PHEX: variants seen among roughly 807,000 people sequenced by gnomAD.
The protein encoded by PHEX is phosphate regulating endopeptidase X-linked.
A neutral mutation model predicts 68.0 loss-of-function variants in PHEX; 16 were observed. The ratio of observed to expected loss-of-function variants is 0.24; its 90% CI spans 0.16 to 0.36. The LOEUF is 0.36. PHEX is among the 10% of genes least tolerant of loss of function. The probability of loss-of-function intolerance (pLI) is 1.00; values close to 1 mark genes in which losing one functional copy is unlikely to be tolerated. For missense variants in PHEX, 480 were observed against 575.5 expected (o/e 0.83, Z 1.70); for synonymous variants, 208 against 205.1 (o/e 1.01, Z -0.12).
At chrX:22,037,136 C>T (rs984608089) in intron 1 of PHEX, among the ~76,000 whole-genome samples, 4 of 108,352 alleles carry the variant, frequency 3.7e-5, no homozygotes, top group Non-Finnish European at 5.7e-5. Context: ...GATGTTTCAT[C>T]GGCAGTTTTC....
chrX:22,235,428 T>C (rs1480891248), intron 20 of PHEX, among the ~76,000 whole-genome samples: 2 of 112,164 alleles, frequency 1.8e-5, no homozygotes, highest in Non-Finnish European at 3.8e-5. Context: ...AACAGAAATT[T>C]ATCACAGTTC....
chrX:22,228,219 CA>C, intron 20 of PHEX, among the ~76,000 whole-genome samples: 1 of 112,207 alleles, frequency 8.9e-6, no homozygotes, highest in Middle Eastern at 4.6e-3. Context: ...AGGCAAGTGC[CA>C]AATCTTTATT....
chrX:22,152,520 A>C (rs888713086), intron 12 of PHEX, among the ~76,000 whole-genome samples: 1 of 111,308 alleles, frequency 9.0e-6, no homozygotes, highest in African/African-American at 3.3e-5. Flanking sequence ...CCTATGACCA[A>C]CTATGAACTC....
At chrX:22,234,873 C>CA (rs980221258) in intron 20 of PHEX, among the ~76,000 whole-genome samples, 4 of 107,911 alleles carry the variant, frequency 3.7e-5, no homozygotes, top group South Asian at 4.0e-4. Context: ...AATGAAACAA[C>CA]AAAAAACTCT....
intron 5 of PHEX, among the ~76,000 whole-genome samples, chrX:22,090,213 A>C (rs2147035272): frequency 8.9e-6 from 1 of 112,479 alleles, no homozygotes; most frequent in South Asian, 3.7e-4. Flanking sequence ...TAGAAAACAT[A>C]AATTAGAAAA....
At chrX:22,246,049 A>G (rs1042669400) in intron 21 of PHEX, among the ~76,000 whole-genome samples, 1 of 112,222 alleles carries the variant, frequency 8.9e-6, no homozygotes, top group Admixed American at 9.5e-5. Context: ...ATCTAGAGTT[A>G]GAGAGTCTAC....
intron 12 of PHEX, among the ~76,000 whole-genome samples, chrX:22,136,645 C>T (rs1196999376): frequency 8.9e-6 from 1 of 111,970 alleles, no homozygotes; most frequent in African/African-American, 3.2e-5. Context: ...TCCATAGTGA[C>T]CGACCTCCTG....
At chrX:22,092,985 C>T (rs997135095) in intron 6 of PHEX, among the ~76,000 whole-genome samples, 1 of 109,174 alleles carries the variant, frequency 9.2e-6, no homozygotes, top group East Asian at 2.9e-4. Flanking sequence ...CTCCTGACCT[C>T]GTGATCCACC....
intron 3 of PHEX, among the ~76,000 whole-genome samples, chrX:22,069,050 C>T (rs1174909640): frequency 8.9e-6 from 1 of 112,108 alleles, no homozygotes; most frequent in Non-Finnish European, 1.9e-5. Flanking sequence ...CAAAGAATCG[C>T]TTGAACCCGG....
intron 9 of PHEX, among the ~76,000 whole-genome samples, chrX:22,111,153 C>A (rs1971572536): frequency 8.9e-6 from 1 of 112,311 alleles, no homozygotes; most frequent in Non-Finnish European, 1.9e-5. Context: ...AAGGTACTCA[C>A]AATTTCCAGA....
chrX:22,213,942 GT>G (rs371711483), intron 16 of PHEX, among the ~76,000 whole-genome samples: 300 of 112,454 alleles, frequency 2.7e-3, no homozygotes, highest in African/African-American at 8.9e-3. Flanking sequence ...GGAAACACCA[GT>G]AGGGGAGTGG....
chrX:22,148,043 A>G (rs1016113809), intron 12 of PHEX, among the ~76,000 whole-genome samples: 4 of 110,927 alleles, frequency 3.6e-5, no homozygotes, highest in Non-Finnish European at 7.5e-5. Context: ...TGCATAACAA[A>G]TTACCCCAAA....
At chrX:22,056,273 G>C (rs768010411) in intron 3 of PHEX, among the ~76,000 whole-genome samples, 1 of 111,891 alleles carries the variant, frequency 8.9e-6, no homozygotes, top group Non-Finnish European at 1.9e-5. Context: ...TAACCAAAAA[G>C]CCTAGTAATT....
chrX:22,223,787 A>G (rs1569432834), intron 18 of PHEX, among the ~76,000 whole-genome samples: 1 of 112,733 alleles, frequency 8.9e-6, no homozygotes. Context: ...AGGAGATTAA[A>G]TTTTTTAAGC....
rs141094619 is a variant in PHEX at position 22,242,276 on chromosome X, C to G, written c.2071-3057C>G. 1.9e-4 allele frequency among the ~76,000 whole-genome samples: 21 copies of G among 111,885 alleles called. No individual in the cohort carries two copies. In the East Asian group the frequency reaches 5.9e-3, roughly 31 times the overall value. On this transcript the variant is annotated intron_variant, in intron 20 of 21. Coordinates refer to ENST00000379374, the MANE Select transcript of PHEX (RefSeq NM_000444.6). ...TAAACTAGGTATCGATGGAACGTAT[C>G]TCAAAATAATAAGAGCTATTTATGA...
At chrX:22,072,659 A>G (rs1250951610) in intron 3 of PHEX, among the ~76,000 whole-genome samples, 2 of 112,456 alleles carry the variant, frequency 1.8e-5, no homozygotes, top group East Asian at 5.6e-4. Context: ...AATAACAAAA[A>G]GGTAGATTGC....
At chrX:22,162,191 G>A (rs781350066) in intron 12 of PHEX, among the ~76,000 whole-genome samples, 90 of 112,124 alleles carry the variant, frequency 8.0e-4, no homozygotes, top group Non-Finnish European at 1.5e-3. Context: ...TTGGGGGGCT[G>A]CAAATAGCCT....
At chrX:22,044,037 A>C (rs1464326255) in intron 2 of PHEX, among the ~76,000 whole-genome samples, 1 of 111,450 alleles carries the variant, frequency 9.0e-6, no homozygotes, top group African/African-American at 3.3e-5. Flanking sequence ...TTTCTCACTC[A>C]GCAGGCTTCT....
At chrX:22,246,776 T>C (rs1936404110) in intron 21 of PHEX, among the ~76,000 whole-genome samples, 1 of 112,056 alleles carries the variant, frequency 8.9e-6, no homozygotes, top group Admixed American at 9.5e-5. Flanking sequence ...CAAGAGGTTA[T>C]GAGGATTTTT....
Sources: allele counts gnomAD v4.1 joint callset (sites outside exome capture counted in the v4.1 genomes callset), GRCh38; gene constraint gnomAD v4.1.1; transcripts MANE v1.5; gene names NCBI Gene and HGNC (gene_info 2026-07-23, HGNC 2026-07-21).